Variants in OSBPL3 observed in about 807,000 individuals in gnomAD.
OSBPL3 encodes oxysterol binding protein like 3.
OSBPL3 carries 65 observed loss-of-function variants against 120.1 expected under a neutral mutation model. The ratio of observed to expected loss-of-function variants is 0.54; its 90% CI spans 0.44 to 0.67. The LOEUF (loss-of-function observed/expected upper bound fraction) is 0.67. OSBPL3 is among the 30% of genes least tolerant of loss of function. OSBPL3 has a pLI of 0.00. For synonymous variants in OSBPL3, 416 were observed against 402.6 expected (o/e 1.03, Z -0.40); for missense variants, 1,004 against 1,082.1 (o/e 0.93, Z 1.01).
chr7:24,863,251 G>A lies in OSBPL3; in HGVS notation c.819C>T (p.His273=), dbSNP rs750277364. ...CAATAGCTCTGGACCGCCACCTCCTGTGCGATCTTTTTTCCTTTTTGGGAC... is the reference window on the plus strand; with the variant it reads ...CAATAGCTCTGGACCGCCACCTCCTATGCGATCTTTTTTCCTTTTTGGGAC... ...FESPKKEKRS[H]RRWRSRAIGK... is the part of the protein sequence containing the mutation. Residue 273 remains histidine, a synonymous_variant, in exon 9 of 23, where the codon CAC becomes CAT. Transcript: ENST00000313367. This position sits in a 1 kb window ranked among gnomAD's most constrained non-coding sequence, Gnocchi z 5.8. 1.4e-5 allele frequency: 22 copies of A among 1,614,044 alleles called. No individual in the cohort carries two copies. Among genetic ancestry groups the A allele is most frequent in the African/African-American group, 4.0e-5 (3 of 74,932 alleles).
chr7:24,904,026 GTA>G, intron 1 of OSBPL3, among the ~76,000 whole-genome samples: 1 of 152,014 alleles, frequency 6.6e-6, no homozygotes, highest in Non-Finnish European at 1.5e-5. Context: ...GAGATTGCAG[GTA>G]TATGCCACCA....
rs371827086 is a variant in OSBPL3 at position 24,855,734 on chromosome 7, T to C, written c.1028-3100A>G. Among the ~76,000 whole-genome samples, 5 of 152,334 alleles carry C rather than the reference T, an allele frequency of 3.3e-5. No homozygotes were observed. The highest frequency in any genetic ancestry group is 9.6e-5 in the African/African-American group (4 of 41,580). ...CAAAAGTCAGGAACACTCTCTGTGA[T>C]AGGAGTGCTTTCTTACTTATTTCTA... On this transcript the variant is annotated intron_variant, in intron 10 of 22. Transcript: ENST00000313367. This position sits in a 1 kb window ranked among gnomAD's most constrained non-coding sequence, Gnocchi z 4.3.
chr7:24,892,486 C>T lies in OSBPL3; in HGVS notation c.-14G>A, dbSNP rs1805514114. The stretch of plus-strand genomic sequence containing the variant: ...ATCACTCATCATGGACAGCAAGTCA[C>T]TTGGCCTCGAGACAATCAAAATGCC... On this transcript the variant is annotated 5_prime_UTR_variant, in exon 2 of 23. In the 5' UTR this introduces an upstream ATG that the reference lacks. Coordinates refer to ENST00000313367, the MANE Select transcript of OSBPL3 (RefSeq NM_015550.4). 3 of 1,609,932 alleles carry T rather than the reference C, an allele frequency of 1.9e-6. No homozygotes were observed. The highest frequency in any genetic ancestry group is 2.5e-6 in the Non-Finnish European group (3 of 1,176,868).
Position 24,946,157 on chromosome 7 carries a change from G to C in OSBPL3, c.-150+33729C>G, listed in dbSNP as rs1272230473. ...AGCTGGGAGCTCAGCTGGGAGCTCA[G>C]CTGGGGCTGCTGGCTGGGTCACCTA... On this transcript the variant is annotated intron_variant, in intron 1 of 22. Transcript: ENST00000313367. This position sits in a 1 kb window ranked among gnomAD's most constrained non-coding sequence, Gnocchi z 4.3. 6.6e-6 allele frequency among the ~76,000 whole-genome samples: 1 copy of C among 152,040 alleles called. No individual in the cohort carries two copies. The highest frequency in any genetic ancestry group is 1.5e-5 in the Non-Finnish European group (1 of 68,012).
In OSBPL3 at chr7:24,863,438, G is replaced by T; in HGVS notation, c.777+58C>A. On this transcript the variant is annotated intron_variant, in intron 8 of 22. Transcript: ENST00000313367. The surrounding 1 kb of genome is among the most constrained non-coding windows in gnomAD (Gnocchi z 5.8). The stretch of plus-strand genomic sequence containing the variant: ...CATCCCACTGTTAGTGAAAGGCTGG[G>T]AGGAGAAAGGAAAGCAGAAGAGGGC... The T allele has an allele frequency of 5.5e-6, 8 of 1,456,716 alleles. No homozygotes were observed. The South Asian group carries it at 8.0e-5, about 15-fold the overall frequency. 90.2% of individuals were successfully genotyped at this position (1,456,716 alleles called of 1,614,324 possible). A position where few individuals can be genotyped will look rare whatever the true frequency, so the allele number is the denominator to read the frequency against.
At chr7:24,829,840 T>C (rs1182734574) in intron 16 of OSBPL3, among the ~76,000 whole-genome samples, 2 of 152,238 alleles carry the variant, frequency 1.3e-5, no homozygotes, top group Admixed American at 1.3e-4. Flanking sequence ...ACAAGCATTT[T>C]AGATGTTCCC....
chr7:24,893,765 T>C (rs1052598600), intron 1 of OSBPL3, among the ~76,000 whole-genome samples: 1 of 145,372 alleles, frequency 6.9e-6, no homozygotes, highest in Non-Finnish European at 1.5e-5. Flanking sequence ...GACGGGGGGG[T>C]GGAGGCTGCA....
At position 24,926,778 on chromosome 7, in the gene OSBPL3, C is replaced by T. The variant is rs1333519304; in HGVS notation, c.-149-34157G>A. Among the ~76,000 whole-genome samples, 14 of 152,352 alleles carry T rather than the reference C, an allele frequency of 9.2e-5. No individual in the cohort carries two copies. The East Asian group carries it at 2.7e-3, about 29-fold the overall frequency. ...TTACAATAAAGATACTTACATGCTT[C>T]TCTCCTACCTGAACTGTAAGCTCCT... On this transcript the variant is annotated intron_variant, in intron 1 of 22. Coordinates refer to ENST00000313367, the MANE Select transcript of OSBPL3 (RefSeq NM_015550.4).
chr7:24,874,211 G>C (rs1428504592), intron 2 of OSBPL3, among the ~76,000 whole-genome samples: 1 of 152,190 alleles, frequency 6.6e-6, no homozygotes, highest in Non-Finnish European at 1.5e-5. Flanking sequence ...TTACAAATTA[G>C]ATACAATGCA....
At position 24,912,989 on chromosome 7, in the gene OSBPL3, C is replaced by T. The variant is rs1022633599; in HGVS notation, c.-149-20368G>A. Among the ~76,000 whole-genome samples the T allele has an allele frequency of 2.6e-5, 4 of 152,222 alleles. No individual in the cohort carries two copies. Among genetic ancestry groups the T allele is most frequent in the Admixed American group, 2.0e-4 (3 of 15,280 alleles). Reference sequence around the variant, plus strand: ...CTCAAGCTAGCCAACATGGAAAGAACACATGGAGAGATCCATTCGGAAAAG... The same window carrying T: ...CTCAAGCTAGCCAACATGGAAAGAATACATGGAGAGATCCATTCGGAAAAG... On this transcript the variant is annotated intron_variant, in intron 1 of 22. Transcript: ENST00000313367. This position sits in a 1 kb window ranked among gnomAD's most constrained non-coding sequence, Gnocchi z 4.5.
chr7:24,826,595 G>A (rs982160142), intron 16 of OSBPL3, among the ~76,000 whole-genome samples: 1 of 152,142 alleles, frequency 6.6e-6, no homozygotes. Context: ...AGCATTTGCT[G>A]AGGGGCACCG....
Position 24,863,479 on chromosome 7 carries a change from AGAG to A in OSBPL3, c.777+14_777+16del, listed in dbSNP as rs781334616. On this transcript the variant is annotated intron_variant, in intron 8 of 22. Coordinates refer to ENST00000313367, the MANE Select transcript of OSBPL3 (RefSeq NM_015550.4). The surrounding 1 kb of genome is among the most constrained non-coding windows in gnomAD (Gnocchi z 5.8). ...AGAAGAGGGCCAGAATGTCAACAGAAGAGGAGTCCGGCTCACCTGGATGGCGTT... is the reference window on the plus strand; with the variant it reads ...AGAAGAGGGCCAGAATGTCAACAGAAGAGTCCGGCTCACCTGGATGGCGTT... 1 of 1,584,172 alleles carries A rather than the reference AGAG, an allele frequency of 6.3e-7. No individual in the cohort carries two copies. Among genetic ancestry groups the A allele is most frequent in the Non-Finnish European group, 8.7e-7 (1 of 1,152,692 alleles).
rs958411067 is a variant in OSBPL3 at position 24,858,034 on chromosome 7, C to G, written c.1027+3579G>C. Among the ~76,000 whole-genome samples, 4 of 152,210 alleles carry G rather than the reference C, an allele frequency of 2.6e-5. No homozygotes were observed. In the East Asian group the frequency reaches 7.7e-4, roughly 29 times the overall value. On this transcript the variant is annotated intron_variant, in intron 10 of 22. Coordinates refer to ENST00000313367, the MANE Select transcript of OSBPL3 (RefSeq NM_015550.4). Reference sequence around the variant, plus strand: ...CTTTTAGGTTTCAATATATTTCATTCTCTGCTTATATGTGTGTGAACATCC... The same window carrying G: ...CTTTTAGGTTTCAATATATTTCATTGTCTGCTTATATGTGTGTGAACATCC...
Position 24,938,779 on chromosome 7 carries a change from ATGTGTGTGTGTGTGTGTGTGTG to A in OSBPL3, c.-150+41085_-150+41106del, listed in dbSNP as rs142720310. ...AACTGAATAATGAGGTTTTGTTTTG[ATGTGTGTGTGTGTGTGTGTGTG>A]TGTGTGTGTGTGTGTGTGTGTGTGT... On this transcript the variant is annotated intron_variant, in intron 1 of 22. Coordinates refer to ENST00000313367, the MANE Select transcript of OSBPL3 (RefSeq NM_015550.4). The surrounding 1 kb of genome is among the most constrained non-coding windows in gnomAD (Gnocchi z 5.8). Among the ~76,000 whole-genome samples, 14 of 94,256 alleles carry A rather than the reference ATGTGTGTGTGTGTGTGTGTGTG, an allele frequency of 1.5e-4. No individual in the cohort carries two copies. The South Asian group carries it at 2.5e-3, about 17-fold the overall frequency. 61.8% of individuals were successfully genotyped at this position (94,256 alleles called of 152,430 possible). A position where few individuals can be genotyped will look rare whatever the true frequency, so the allele number is the denominator to read the frequency against.
At position 24,815,105 on chromosome 7, in the gene OSBPL3, T is replaced by C; in HGVS notation, c.2126A>G (p.Lys709Arg). 6.2e-7 allele frequency: 1 copy of C among 1,613,536 alleles called. No individual in the cohort carries two copies. Among genetic ancestry groups the C allele is most frequent in the Non-Finnish European group, 8.5e-7 (1 of 1,179,388 alleles). ...GTAGCAGGAATCATCATGCAGGTTC[T>C]TGATGACAATCTCTCCATAGTGCTC... ...WIEHYGEIVI[K>R]NLHDDSCYCK... The change falls in exon 19 of 23, where the codon AAG becomes AGG. Residue 709 changes from lysine (K) to arginine (R), a missense_variant. Physicochemically the swap from Lys to Arg is conservative, Grantham distance 26. Transcript: ENST00000313367. This position sits in a 1 kb window ranked among gnomAD's most constrained non-coding sequence, Gnocchi z 5.1.
rs1225034719 is a variant in OSBPL3 at position 24,953,969 on chromosome 7, G to C, written c.-150+25917C>G. 6.6e-6 allele frequency among the ~76,000 whole-genome samples: 1 copy of C among 152,180 alleles called. No individual in the cohort carries two copies. The highest frequency in any genetic ancestry group is 1.5e-5 in the Non-Finnish European group (1 of 68,042). ...TTTCTCAATCACCAGATGAACCTTA[G>C]AACAAACTGAGAGAAAGGGGTCTGG... On this transcript the variant is annotated intron_variant, in intron 1 of 22. Transcript: ENST00000313367. The surrounding 1 kb of genome is among the most constrained non-coding windows in gnomAD (Gnocchi z 4.3).
intron 5 of OSBPL3, among the ~76,000 whole-genome samples, chr7:24,868,046 C>T (rs1584440465): frequency 6.6e-6 from 1 of 152,096 alleles, no homozygotes; most frequent in Admixed American, 6.6e-5. Flanking sequence ...TGGCTGGGCA[C>T]AGTGGCTCAC....
Position 24,834,280 on chromosome 7 carries a change from A to G in OSBPL3, c.1746+206T>C. 2 of 1,385,616 alleles carry G rather than the reference A, an allele frequency of 1.4e-6. No individual in the cohort carries two copies. Among genetic ancestry groups the G allele is most frequent in the East Asian group, 5.6e-5 (2 of 35,614 alleles). 85.8% of individuals were successfully genotyped at this position (1,385,616 alleles called of 1,614,324 possible). A position where few individuals can be genotyped will look rare whatever the true frequency, so the allele number is the denominator to read the frequency against. On this transcript the variant is annotated intron_variant, in intron 15 of 22. Coordinates refer to ENST00000313367, the MANE Select transcript of OSBPL3 (RefSeq NM_015550.4). This position sits in a 1 kb window ranked among gnomAD's most constrained non-coding sequence, Gnocchi z 5.2. ...CAGGCACCAAGTGCCACGGAGAAGC[A>G]CCCCAACCCCGTCTCCAAATCCTCA...
intron 14 of OSBPL3, 110 bp downstream of exon 14, chr7:24,840,580 A>G (rs990407511): frequency 2.0e-6 from 1 of 492,404 alleles, no homozygotes; most frequent in Non-Finnish European, 3.6e-6. Flanking sequence ...TTTCATCTGC[A>G]TGGGGTATCA....
Sources: gnomAD v4.1 joint callset for allele counts (sites outside exome capture counted in the v4.1 genomes callset) on GRCh38, gnomAD v4.1.1 for gene constraint, Gnocchi (gnomAD v3.1) non-coding constraint, MANE v1.5 for transcripts, NCBI Gene and HGNC (gene_info 2026-07-23, HGNC 2026-07-21) for gene names.